SF1: variants seen among roughly 807,000 people sequenced by gnomAD.
The protein encoded by SF1 is branch point-binding protein.
In SF1, 7 loss-of-function variants were observed where a neutral mutation model predicts 62.5. That is an observed-to-expected ratio of 0.11 (90% CI 0.06 to 0.21). The LOEUF is 0.21. Among genes scored for constraint, SF1 ranks in the 10% least tolerant of loss-of-function variants. The pLI is 1.00. For missense variants in SF1, 578 were observed against 884.0 expected (o/e 0.65, Z 4.39); for synonymous variants, 394 against 323.6 (o/e 1.22, Z -2.33).
rs1565564521 is a variant in SF1, at chr11:64,769,082, G to T, written c.827C>A (p.Thr276Asn). Reference protein sequence around the residue: ...QSSETRSITNTTVCTKCGGAG... With the variant: ...QSSETRSITNNTVCTKCGGAG... The stretch of plus-strand genomic sequence containing the variant: ...CCCTCCACACTTGGTACACACTGTG[G>T]TGTTGGTAATGCTGCGGGTCTCTGA... The change falls in exon 8 of 13, where the codon ACC (threonine) becomes AAC (asparagine). Residue 276 changes from threonine to asparagine, a missense_variant. Thr to Asn is a moderately conservative substitution (Grantham distance 65). Transcript: ENST00000377390. The T allele has an allele frequency of 6.2e-7, 1 of 1,614,186 alleles. No homozygotes were observed. Among genetic ancestry groups the T allele is most frequent in the Non-Finnish European group, 8.5e-7 (1 of 1,180,020 alleles).
intron 8 of SF1, among the ~76,000 whole-genome samples, chr11:64,768,685 A>G (rs745470190): frequency 9.9e-5 from 15 of 152,220 alleles, no homozygotes; most frequent in Non-Finnish European, 1.3e-4. Flanking sequence ...GAAAGTGTTG[A>G]TATCGAGTGC....
intron 10 of SF1, 89 bp from the exon 11 acceptor site, chr11:64,767,340 C>G (rs1202413167): frequency 3.8e-6 from 5 of 1,331,720 alleles, no homozygotes; most frequent in Non-Finnish European, 5.4e-6. Flanking sequence ...GCTATCCTTA[C>G]GCGAGTTCTG....
chr11:64,777,423 A>AC (rs1330447242), intron 1 of SF1: 7 of 884,676 alleles, frequency 7.9e-6, no homozygotes, highest in Non-Finnish European at 8.1e-6. Context: ...GATTTAAAAA[A>AC]AAAAACAAAC....
At chr11:64,767,400 C>T in intron 10 of SF1, 149 bp from the exon 11 acceptor site, 1 of 1,032,798 alleles carries the variant, frequency 9.7e-7, no homozygotes, top group Non-Finnish European at 1.5e-6. Flanking sequence ...CACAGAATCA[C>T]TCCCTGAACC....
chr11:64,775,626 C>T (rs750436348), intron 2 of SF1, among the ~76,000 whole-genome samples: 2 of 152,180 alleles, frequency 1.3e-5, no homozygotes, highest in Non-Finnish European at 2.9e-5. Flanking sequence ...TTTAGGAGGT[C>T]TTTGCCCGAA....
chr11:64,777,860 G>T, intron 1 of SF1: 6 of 931,418 alleles, frequency 6.4e-6, no homozygotes, highest in Non-Finnish European at 7.6e-6. Context: ...GGGCGCCTCC[G>T]CCCGGGCCTC....
Position 64,769,419 on chromosome 11 carries a change from C to T in SF1, c.663+7G>A, listed in dbSNP as rs780977526. 8 of 1,614,074 alleles carry T rather than the reference C, an allele frequency of 5.0e-6. No individual in the cohort carries two copies. Among genetic ancestry groups the T allele is most frequent in the Middle Eastern group, 1.6e-4 (1 of 6,062 alleles). On this transcript the variant is annotated splice_region_variant and intron_variant, in intron 6 of 12. Coordinates refer to ENST00000377390, the MANE Select transcript of SF1 (RefSeq NM_004630.4). ...TAGGAGGCTTCCTTTCTGGGCTCAC[C>T]GCTCACCTGTTCCACTGCCTTTTTG...
At chr11:64,768,451 A>G (rs1937712240) in intron 8 of SF1, among the ~76,000 whole-genome samples, 165 bp from the exon 9 acceptor site, 1 of 152,264 alleles carries the variant, frequency 6.6e-6, no homozygotes, top group South Asian at 2.1e-4. Flanking sequence ...CAGTCTCATC[A>G]GATCTTCAGT....
chr11:64,769,362 T>G (rs1310425291), intron 6 of SF1, 24 bp from the exon 7 acceptor site: 1 of 1,613,790 alleles, frequency 6.2e-7, no homozygotes, highest in Non-Finnish European at 8.5e-7. Flanking sequence ...AATGGACAGT[T>G]AAGTGCTTAG....
chr11:64,772,560 A>G (rs1938496073), intron 3 of SF1: 17 of 985,364 alleles, frequency 1.7e-5, no homozygotes, highest in Non-Finnish European at 2.0e-5. Context: ...ACAAAAACCA[A>G]AAACACTACT....
In SF1 at chr11:64,769,947, G is replaced by A. The variant is rs368081006; in HGVS notation, c.479+17C>T. 3.8e-6 allele frequency: 6 copies of A among 1,583,478 alleles called. No individual in the cohort carries two copies. Among genetic ancestry groups the A allele is most frequent in the Middle Eastern group, 1.7e-4 (1 of 5,998 alleles). On this transcript the variant is annotated intron_variant, in intron 5 of 12. Transcript: ENST00000377390. ...CTCTAAAGGAATTCTATATCCTATA[G>A]ACCAGCAGTTACTCACCTGGGCCCG...
intron 1 of SF1, among the ~76,000 whole-genome samples, chr11:64,777,014 T>C (rs1443414505): frequency 2.0e-5 from 3 of 152,238 alleles, no homozygotes; most frequent in Non-Finnish European, 4.4e-5. Context: ...AAAGCAGTCC[T>C]GATGGGACTG....
chr11:64,767,899 T>A, intron 9 of SF1, 55 bp from the exon 10 acceptor site: 1 of 1,587,430 alleles, frequency 6.3e-7, no homozygotes, highest in Non-Finnish European at 8.5e-7. Flanking sequence ...AGTGGCAACA[T>A]TGTTCTTCGG....
chr11:64,767,950 G>A (rs373203271), intron 9 of SF1, 106 bp from the exon 10 acceptor site: 142 of 1,481,450 alleles, frequency 9.6e-5, no homozygotes, highest in East Asian at 3.7e-4. Context: ...AGGTCTTCCC[G>A]AAGTGAGAAG....
chr11:64,765,925 G>A lies in SF1; in HGVS notation c.1813C>T (p.Pro605Ser). ...ACAAAGTTAGAAGGGTCCATGGGAG[G>A]CGGAGGAGGAGGGGGCGGGGCATAC... ...MMYAPPPPPP[P>S]PMDPSNFVTM... is the part of the protein sequence containing the mutation. The change falls in exon 13 of 13, where the codon CCT becomes TCT. Residue 605 changes from proline to serine, a missense_variant. Transcript: ENST00000377390. The A allele has an allele frequency of 6.4e-7, 1 of 1,569,076 alleles. No individual in the cohort carries two copies. Among genetic ancestry groups the A allele is most frequent in the Non-Finnish European group, 8.6e-7 (1 of 1,157,784 alleles).
chr11:64,777,341 A>G (rs1040053129), intron 1 of SF1, among the ~76,000 whole-genome samples: 1 of 152,160 alleles, frequency 6.6e-6, no homozygotes, highest in Non-Finnish European at 1.5e-5. Flanking sequence ...GGGGTACAGG[A>G]TCAGAGGGAA....
In SF1 at chr11:64,776,587, T is replaced by G; in HGVS notation, c.71A>C (p.Gln24Pro). 6.3e-7 allele frequency: 1 copy of G among 1,593,138 alleles called. No individual in the cohort carries two copies. Among genetic ancestry groups the G allele is most frequent in the Non-Finnish European group, 8.5e-7 (1 of 1,172,942 alleles). ...SKKRKRSRWNQDTMEQKTVIP... is the reference protein window; with the variant it reads ...SKKRKRSRWNPDTMEQKTVIP... ...CACTGTCTTCTGTTCCATTGTGTCT[T>G]GGTTCCAGCGGCTCCTCTTCCGCTT... Residue 24 changes from glutamine (Q) to proline (P), a missense_variant, in exon 2 of 13, where the codon CAA (glutamine) becomes CCA (proline). Physicochemically the swap from Gln to Pro is moderately conservative, Grantham distance 76 (BLOSUM62 -1). This residue lies in a region of SF1 where 37 missense variants were observed against 34.6 expected (regional missense o/e 1.07). Transcript: ENST00000377390.
At chr11:64,766,589 T>C in intron 12 of SF1, 1 of 411,142 alleles carries the variant, frequency 2.4e-6, no homozygotes, top group Admixed American at 4.1e-5. Flanking sequence ...TCGACCCATA[T>C]GCACCAGGCT....
At position 64,773,185 on chromosome 11, in the gene SF1, A is replaced by C. The variant is rs535418433; in HGVS notation, c.236+245T>G. The stretch of plus-strand genomic sequence containing the variant: ...TCAGGTTAAGATCTACATGCTTACC[A>C]ATTGGAAACCAGTTGTCCATTTTCC... On this transcript the variant is annotated intron_variant, in intron 3 of 12. Coordinates refer to ENST00000377390, the MANE Select transcript of SF1 (RefSeq NM_004630.4). 1.3e-5 allele frequency: 17 copies of C among 1,338,850 alleles called. 1 individual carries two copies. In the South Asian group the frequency reaches 2.4e-4, roughly 19 times the overall value. The allele number at this position is 1,338,850 out of a possible 1,614,324, so 82.9% of individuals were successfully genotyped here.
Sources: allele counts gnomAD v4.1 joint callset (sites outside exome capture counted in the v4.1 genomes callset), GRCh38; gene constraint gnomAD v4.1.1; regional missense constraint gnomAD v4.1.1; transcripts MANE v1.5; gene names NCBI Gene and HGNC (gene_info 2026-07-23, HGNC 2026-07-21).